RAPGEF6: variants seen among roughly 807,000 people sequenced by gnomAD.
RAPGEF6 encodes PDZ domain containing guanine nucleotide exchange factor (GEF) 2.
In RAPGEF6, 56 loss-of-function variants were observed where a neutral mutation model predicts 171.4. That is an observed-to-expected ratio of 0.33 (90% CI 0.26 to 0.41). The LOEUF (loss-of-function observed/expected upper bound fraction) is 0.41. Ranked by LOEUF, RAPGEF6 falls within the 10% of genes least tolerant of loss-of-function variation. The pLI, the probability that RAPGEF6 is intolerant of heterozygous loss-of-function variation, is 1.00. For synonymous variants in RAPGEF6, 692 were observed against 650.1 expected, an observed-to-expected ratio of 1.06 and a Z score of -0.98; for missense variants, 1,674 against 1,921.4, an observed-to-expected ratio of 0.87 and a Z score of 2.41.
At chr5:131,541,897 G>A (rs1351185101) in intron 6 of RAPGEF6, among the ~76,000 whole-genome samples, 1 of 152,182 alleles carries the variant, frequency 6.6e-6, no homozygotes, top group East Asian at 1.9e-4. Context: ...AGGCCTACAA[G>A]TGATTAATTC....
chr5:131,627,308 A>C (rs1441819181), intron 1 of RAPGEF6, among the ~76,000 whole-genome samples: 2 of 152,206 alleles, frequency 1.3e-5, no homozygotes, highest in East Asian at 3.9e-4. Flanking sequence ...TAATCCTAGG[A>C]GGCATTAGCC....
At chr5:131,433,717 G>A in intron 24 of RAPGEF6, 59 bp from the exon 25 acceptor site, 5 of 1,234,028 alleles carry the variant, frequency 4.1e-6, no homozygotes, top group Non-Finnish European at 5.8e-6. Context: ...GGTGGGGGTA[G>A]TAGGGGAAAG....
intron 3 of RAPGEF6, among the ~76,000 whole-genome samples, chr5:131,599,379 T>C (rs1764092405): frequency 6.6e-6 from 1 of 151,826 alleles, no homozygotes; most frequent in Non-Finnish European, 1.5e-5. Flanking sequence ...AAACTCAAAC[T>C]ACACAGCTTG....
chr5:131,578,102 AC>A (rs1464909490), intron 4 of RAPGEF6, among the ~76,000 whole-genome samples: 7 of 151,982 alleles, frequency 4.6e-5, no homozygotes, highest in Non-Finnish European at 8.8e-5. Flanking sequence ...TTTTCCTCAA[AC>A]CGCCACCCTT....
intron 6 of RAPGEF6, among the ~76,000 whole-genome samples, chr5:131,541,068 G>A (rs549291224): frequency 2.8e-4 from 42 of 152,144 alleles, no homozygotes; most frequent in Non-Finnish European, 5.1e-4. Flanking sequence ...AAAAATACAG[G>A]CATTTAAAAC....
intron 5 of RAPGEF6, among the ~76,000 whole-genome samples, chr5:131,556,342 G>A (rs1430661677): frequency 1.3e-5 from 2 of 152,146 alleles, no homozygotes; most frequent in Non-Finnish European, 2.9e-5. Flanking sequence ...GGGAGGCTGA[G>A]GTTGCAGTGA....
chr5:131,498,826 A>G (rs1390408966), intron 11 of RAPGEF6, among the ~76,000 whole-genome samples: 1 of 152,220 alleles, frequency 6.6e-6, no homozygotes, highest in East Asian at 1.9e-4. Context: ...AGAAATAAAT[A>G]GCCAACAGCA....
At chr5:131,547,897 C>T (rs1760656541) in intron 6 of RAPGEF6, 150 bp downstream of exon 6, 1 of 795,846 alleles carries the variant, frequency 1.3e-6, no homozygotes, top group African/African-American at 1.8e-5. Flanking sequence ...TTCAACCAAA[C>T]AGAAGCATTT....
chr5:131,471,598 T>C (rs1580877436), intron 17 of RAPGEF6, among the ~76,000 whole-genome samples: 2 of 152,202 alleles, frequency 1.3e-5, no homozygotes, highest in Non-Finnish European at 2.9e-5. Context: ...CAGTGCTTAA[T>C]TGTATATGCC....
intron 5 of RAPGEF6, among the ~76,000 whole-genome samples, chr5:131,551,307 T>C (rs1343499203): frequency 6.6e-6 from 1 of 150,690 alleles, no homozygotes; most frequent in Non-Finnish European, 1.5e-5. Flanking sequence ...AGGTCAGGAG[T>C]TCAAGACCAG....
At chr5:131,465,290 T>G (rs962942486) in intron 17 of RAPGEF6, among the ~76,000 whole-genome samples, 2 of 152,140 alleles carry the variant, frequency 1.3e-5, no homozygotes, top group East Asian at 3.8e-4. Flanking sequence ...GATAAGCACA[T>G]GTAAATAATA....
chr5:131,501,404 A>T (rs1580926830), intron 11 of RAPGEF6, among the ~76,000 whole-genome samples: 1 of 152,082 alleles, frequency 6.6e-6, no homozygotes, highest in African/African-American at 2.4e-5. Context: ...TTGCAATTAA[A>T]TCTCAATGTG....
At chr5:131,621,240 TG>T (rs1765574416) in intron 1 of RAPGEF6, among the ~76,000 whole-genome samples, 1 of 152,220 alleles carries the variant, frequency 6.6e-6, no homozygotes, top group Non-Finnish European at 1.5e-5. Context: ...TTATATAAAA[TG>T]GTGTAGTATT....
At chr5:131,527,674 A>C (rs1055983053) in intron 6 of RAPGEF6, among the ~76,000 whole-genome samples, 5 of 152,312 alleles carry the variant, frequency 3.3e-5, no homozygotes, top group African/African-American at 4.8e-5. Flanking sequence ...TTGAAGCACA[A>C]GACAATGGAG....
intron 3 of RAPGEF6, among the ~76,000 whole-genome samples, chr5:131,596,154 A>G (rs1763887810): frequency 2.3e-5 from 2 of 86,848 alleles, no homozygotes; most frequent in South Asian, 9.6e-4. Context: ...ACTCCATCAT[A>G]TAAAAAAAAA....
At chr5:131,505,573 A>G (rs936276630) in intron 9 of RAPGEF6, 51 bp from the exon 10 acceptor site, 1 of 1,498,246 alleles carries the variant, frequency 6.7e-7, no homozygotes, top group African/African-American at 1.4e-5. Flanking sequence ...AGGTAGTTAC[A>G]TGTTAACTTT....
intron 21 of RAPGEF6, among the ~76,000 whole-genome samples, chr5:131,447,902 T>C (rs915239842): frequency 6.6e-6 from 1 of 152,224 alleles, no homozygotes; most frequent in Non-Finnish European, 1.5e-5. Flanking sequence ...AGACATTATT[T>C]ACATCTGCAG....
chr5:131,591,292 AGGC>A (rs1222781240), intron 4 of RAPGEF6, among the ~76,000 whole-genome samples: 2 of 152,202 alleles, frequency 1.3e-5, no homozygotes, highest in Admixed American at 1.3e-4. Context: ...GCATACGTTG[AGGC>A]CCTAAAATCT....
Position 131,508,211 on chromosome 5 carries a change from T to C in RAPGEF6, c.806-4A>G, listed in dbSNP as rs751056196. The C allele has an allele frequency of 2.5e-6, 4 of 1,602,120 alleles. No homozygotes were observed. Among genetic ancestry groups the C allele is most frequent in the Non-Finnish European group, 3.4e-6 (4 of 1,175,362 alleles). ...TGCATAAACTCCAGCAATTGTTCTA[T>C]AAGAAAACAGAAATTCTGGTATAAA... On this transcript the variant is annotated splice_region_variant and splice_polypyrimidine_tract_variant and intron_variant, in intron 8 of 27. Transcript: ENST00000509018.
Sources: gnomAD v4.1 joint callset for allele counts (sites outside exome capture counted in the v4.1 genomes callset) on GRCh38, gnomAD v4.1.1 for gene constraint, MANE v1.5 for transcripts, NCBI Gene and HGNC (gene_info 2026-07-23, HGNC 2026-07-21) for gene names.